The following COL5A2 variants were observed in gnomAD, a reference collection of about 807,000 sequenced individuals.
COL5A2 encodes the protein collagen type V alpha 2 chain.
COL5A2 carries 23 observed loss-of-function variants against 208.2 expected under a neutral mutation model. The ratio of observed to expected loss-of-function variants is 0.11; its 90% CI spans 0.08 to 0.16. COL5A2 has a LOEUF of 0.16. Among genes scored for constraint, COL5A2 ranks in the 10% least tolerant of loss-of-function variants. COL5A2 has a pLI of 1.00. For missense variants in COL5A2, 1,590 were observed against 1,956.4 expected (o/e 0.81, Z 3.53); for synonymous variants, 625 against 628.5 (o/e 0.99, Z 0.08).
the COL5A2 span, among the ~76,000 whole-genome samples, chr2:189,352,536 C>A: frequency 6.6e-6 from 1 of 152,184 alleles, no homozygotes; most frequent in African/African-American, 2.4e-5. Flanking sequence ...ATTTGCATTT[C>A]TCTAATGACC....
intron 1 of COL5A2, among the ~76,000 whole-genome samples, chr2:189,169,130 C>T (rs930020598): frequency 3.3e-5 from 5 of 152,208 alleles, no homozygotes; most frequent in Admixed American, 2.6e-4. Context: ...CAATGCCTCT[C>T]ATTCCAAATG....
the COL5A2 span, among the ~76,000 whole-genome samples, chr2:189,242,110 T>C: frequency 1.6e-3 from 250 of 152,332 alleles, 1 homozygote; most frequent in African/African-American, 5.6e-3. Context: ...CCTATTAGCC[T>C]TGTCATATGT....
chr2:189,420,066 A>G, the COL5A2 span, among the ~76,000 whole-genome samples: 19 of 126,810 alleles, frequency 1.5e-4, no homozygotes, highest in Admixed American at 1.2e-3. Flanking sequence ...GGAAGGAAGG[A>G]AGGGAGGGAG....
At chr2:189,425,907 A>G in the COL5A2 span, among the ~76,000 whole-genome samples, 1 of 152,154 alleles carries the variant, frequency 6.6e-6, no homozygotes, top group Non-Finnish European at 1.5e-5. Context: ...CCAGAATCTG[A>G]GCAGATGCCA....
chr2:189,260,615 A>G, the COL5A2 span, among the ~76,000 whole-genome samples: 1 of 152,216 alleles, frequency 6.6e-6, no homozygotes, highest in Non-Finnish European at 1.5e-5. Flanking sequence ...CCTACACCAC[A>G]GACAAAAATA....
the COL5A2 span, among the ~76,000 whole-genome samples, chr2:189,439,004 G>A: frequency 2.6e-5 from 4 of 152,104 alleles, no homozygotes; most frequent in African/African-American, 4.8e-5. Flanking sequence ...CTTGAACATG[G>A]AAAGGAATAC....
chr2:189,262,264 C>A, the COL5A2 span, among the ~76,000 whole-genome samples: 4 of 152,026 alleles, frequency 2.6e-5, no homozygotes, highest in Non-Finnish European at 5.9e-5. Context: ...AGAAAGGACA[C>A]CACCTGTCCA....
the COL5A2 span, among the ~76,000 whole-genome samples, chr2:189,330,267 A>G: frequency 6.6e-6 from 1 of 152,164 alleles, no homozygotes; most frequent in East Asian, 1.9e-4. Flanking sequence ...AAATCCTCTG[A>G]GCCACGCTGG....
chr2:189,261,292 G>A, the COL5A2 span, among the ~76,000 whole-genome samples: 1 of 152,242 alleles, frequency 6.6e-6, no homozygotes, highest in East Asian at 1.9e-4. Context: ...TAAGCAAAAT[G>A]ATTCTGATAT....
At chr2:189,188,112 T>TG (rs1463020709) in intron 1 of COL5A2, among the ~76,000 whole-genome samples, 2 of 152,194 alleles carry the variant, frequency 1.3e-5, no homozygotes, top group African/African-American at 4.8e-5. Context: ...TTTATTGAGA[T>TG]GTGGTTTACA....
the COL5A2 span, among the ~76,000 whole-genome samples, chr2:189,393,715 T>C: frequency 6.6e-6 from 1 of 152,204 alleles, no homozygotes; most frequent in South Asian, 2.1e-4. Context: ...AATTAGGTCT[T>C]ACTCCTTCAT....
At chr2:189,204,759 G>A (rs1559145164) in intron 1 of COL5A2, among the ~76,000 whole-genome samples, 3 of 152,178 alleles carry the variant, frequency 2.0e-5, no homozygotes, top group South Asian at 2.1e-4. Context: ...GTAGTGGGAA[G>A]AGCCTGAGTA....
chr2:189,202,718 C>T (rs1422194855), intron 1 of COL5A2, among the ~76,000 whole-genome samples: 1 of 152,094 alleles, frequency 6.6e-6, no homozygotes, highest in Non-Finnish European at 1.5e-5. Context: ...ATTTGAGAAT[C>T]ATCTTTAAAA....
At chr2:189,309,283 A>C in the COL5A2 span, among the ~76,000 whole-genome samples, 1 of 152,234 alleles carries the variant, frequency 6.6e-6, no homozygotes, top group Non-Finnish European at 1.5e-5. Context: ...TAGCATCCCG[A>C]TAAGATCTCA....
intron 1 of COL5A2, among the ~76,000 whole-genome samples, chr2:189,189,127 G>T (rs923047507): frequency 6.6e-6 from 1 of 152,096 alleles, no homozygotes; most frequent in Non-Finnish European, 1.5e-5. Context: ...TTTGTGTCCT[G>T]TATTTGAATG....
chr2:189,217,070 C>CA (rs905104193), intron 1 of COL5A2, among the ~76,000 whole-genome samples: 23 of 148,470 alleles, frequency 1.5e-4, no homozygotes, highest in East Asian at 7.9e-4. Context: ...AAATAATTCT[C>CA]AAAAAAAAAA....
At chr2:189,344,575 AG>A in the COL5A2 span, among the ~76,000 whole-genome samples, 1 of 152,158 alleles carries the variant, frequency 6.6e-6, no homozygotes, top group Non-Finnish European at 1.5e-5. Flanking sequence ...GCAAGTCCCA[AG>A]AATATCTAAA....
intron 1 of COL5A2, among the ~76,000 whole-genome samples, chr2:189,187,374 T>C (rs903511174): frequency 6.6e-6 from 1 of 152,164 alleles, no homozygotes; most frequent in Non-Finnish European, 1.5e-5. Flanking sequence ...GCAACAAAAA[T>C]GTCTGCAGAT....
chr2:189,185,134 C>T (rs1312976265), intron 1 of COL5A2, among the ~76,000 whole-genome samples: 1 of 152,098 alleles, frequency 6.6e-6, no homozygotes, highest in African/African-American at 2.4e-5. Flanking sequence ...AACGATTCTC[C>T]TGCCTCAGCC....
Sources: allele counts gnomAD v4.1 joint callset (sites outside exome capture counted in the v4.1 genomes callset), GRCh38; gene constraint gnomAD v4.1.1; transcripts MANE v1.5; gene names NCBI Gene and HGNC (gene_info 2026-07-23, HGNC 2026-07-21).